The following PTPRN2 variants were observed in gnomAD, a reference collection of about 807,000 sequenced individuals.
The protein encoded by PTPRN2 is protein tyrosine phosphatase receptor type N2.
In PTPRN2, 74 loss-of-function variants were observed where a neutral mutation model predicts 118.8. The observed-to-expected ratio is 0.62, with a 90% CI of 0.52 to 0.76. The LOEUF (loss-of-function observed/expected upper bound fraction) is 0.76. Among genes scored for constraint, PTPRN2 ranks in the 30% least tolerant of loss-of-function variants. PTPRN2 has a pLI of 0.00. For synonymous variants in PTPRN2, 641 were observed against 608.0 expected (o/e 1.05, Z -0.80); for missense variants, 1,481 against 1,394.4 (o/e 1.06, Z -0.99).
chr7:158,502,943 C>T (rs1344701785), intron 1 of PTPRN2, among the ~76,000 whole-genome samples: 2 of 151,054 alleles, frequency 1.3e-5, no homozygotes, highest in Admixed American at 1.3e-4. Context: ...CCATCAGCCA[C>T]TGTGTCCATC....
intron 11 of PTPRN2, among the ~76,000 whole-genome samples, chr7:157,960,725 G>A (rs1336030119): frequency 6.6e-6 from 1 of 152,216 alleles, no homozygotes; most frequent in East Asian, 1.9e-4. Flanking sequence ...AAAAAAACAT[G>A]GTCAGGCATG....
chr7:157,610,772 A>G lies in PTPRN2; in HGVS notation c.2345-6697T>C, dbSNP rs370728143. 6.6e-4 allele frequency among the ~76,000 whole-genome samples: 100 copies of G among 152,362 alleles called. 3 individuals carry two copies. In the East Asian group the frequency reaches 0.015, roughly 22 times the overall value. On this transcript the variant is annotated intron_variant, in intron 15 of 22. Transcript: ENST00000389418. The surrounding 1 kb of genome is among the most constrained non-coding windows in gnomAD (Gnocchi z 5.1). The stretch of plus-strand genomic sequence containing the variant: ...CAGCAACAGCGTGATGACAGAACGC[A>G]TTCTGAAGGGGCAGGTCCTCTTCCT...
At chr7:157,578,882 T>C (rs1011366854) in intron 17 of PTPRN2, among the ~76,000 whole-genome samples, 3 of 152,244 alleles carry the variant, frequency 2.0e-5, no homozygotes, top group African/African-American at 7.2e-5. Context: ...CACACTGATG[T>C]GGCATTTGTA....
intron 2 of PTPRN2, among the ~76,000 whole-genome samples, chr7:158,372,426 G>C (rs1252529726): frequency 1.4e-5 from 2 of 148,062 alleles, no homozygotes; most frequent in Non-Finnish European, 3.0e-5. Context: ...CCCAACACTG[G>C]TCCCCGAAGC....
chr7:157,573,459 C>T (rs1799859649), intron 19 of PTPRN2, among the ~76,000 whole-genome samples: 1 of 152,240 alleles, frequency 6.6e-6, no homozygotes, highest in East Asian at 1.9e-4. Context: ...CTAAGCTCAG[C>T]TTCTGGGTCC....
chr7:158,510,332 G>A (rs565807676), intron 1 of PTPRN2, among the ~76,000 whole-genome samples: 7 of 152,138 alleles, frequency 4.6e-5, no homozygotes, highest in Non-Finnish European at 5.9e-5. Context: ...CTCAGCCCAC[G>A]GCACCCACAC....
At chr7:157,946,858 G>T (rs185530853) in intron 11 of PTPRN2, among the ~76,000 whole-genome samples, 2 of 152,354 alleles carry the variant, frequency 1.3e-5, no homozygotes, top group African/African-American at 2.4e-5. Context: ...CCACCAGTGT[G>T]GACGGCCGGG....
intron 1 of PTPRN2, among the ~76,000 whole-genome samples, chr7:158,549,368 T>A (rs1338395462): frequency 6.6e-6 from 1 of 152,160 alleles, no homozygotes; most frequent in East Asian, 1.9e-4. Context: ...AGCTTTGTGT[T>A]CACCGGGCGG....
rs1368450412 is a variant in PTPRN2, at chr7:157,780,160, C to T, written c.1789-97223G>A. On this transcript the variant is annotated intron_variant, in intron 12 of 22. Transcript: ENST00000389418. The surrounding 1 kb of genome is among the most constrained non-coding windows in gnomAD (Gnocchi z 4.5). The stretch of plus-strand genomic sequence containing the variant: ...CTTTGTTTATGATCCCACCACGTAT[C>T]TCTACTATTAAAGAATTAGCCTCTG... 6.6e-6 allele frequency among the ~76,000 whole-genome samples: 1 copy of T among 152,172 alleles called. No individual in the cohort carries two copies. Among genetic ancestry groups the T allele is most frequent in the African/African-American group, 2.4e-5 (1 of 41,434 alleles).
chr7:158,021,193 T>C (rs755516943), intron 11 of PTPRN2, among the ~76,000 whole-genome samples: 35 of 152,212 alleles, frequency 2.3e-4, no homozygotes, highest in Non-Finnish European at 4.0e-4. Context: ...TTTGTTGACA[T>C]CCTCTGGTTT....
chr7:157,745,452 T>TGGGGGAGAGGACAGGCTGC (rs1800869181), intron 12 of PTPRN2, among the ~76,000 whole-genome samples: 4 of 151,154 alleles, frequency 2.6e-5, no homozygotes, highest in South Asian at 2.1e-4. Flanking sequence ...GGACAGGCTG[T>TGGGGGAGAGGACAGGCTGC]GGGAGGCAGG....
Position 158,196,672 on chromosome 7 carries a change from C to T in PTPRN2, c.381-4177G>A, listed in dbSNP as rs529699375. ...CCGAGATGTAGCTCCCCGGGCACCC[C>T]TGGGGCCCTGCCCACGGCTAGTGAG... On this transcript the variant is annotated intron_variant, in intron 4 of 22. Transcript: ENST00000389418. 5.3e-5 allele frequency among the ~76,000 whole-genome samples: 8 copies of T among 152,330 alleles called. No individual in the cohort carries two copies. The South Asian group carries it at 1.7e-3, about 32-fold the overall frequency.
At chr7:158,334,536 C>G (rs1203421986) in intron 2 of PTPRN2, among the ~76,000 whole-genome samples, 6 of 112,684 alleles carry the variant, frequency 5.3e-5, no homozygotes, top group African/African-American at 1.8e-4. Flanking sequence ...CTGCAGACGT[C>G]ACTCACACCC....
chr7:157,934,102 T>C (rs1799561463), intron 11 of PTPRN2, among the ~76,000 whole-genome samples: 1 of 152,224 alleles, frequency 6.6e-6, no homozygotes, highest in South Asian at 2.1e-4. Flanking sequence ...GTGTTCTTTG[T>C]GCATCAGCTC....
chr7:158,484,421 G>A (rs1820857161), intron 2 of PTPRN2, among the ~76,000 whole-genome samples: 1 of 152,194 alleles, frequency 6.6e-6, no homozygotes, highest in Non-Finnish European at 1.5e-5. Context: ...GGAGTGCAAT[G>A]GTGTGAACTC....
intron 12 of PTPRN2, among the ~76,000 whole-genome samples, chr7:157,847,861 C>T (rs1255939982): frequency 6.6e-6 from 1 of 150,844 alleles, no homozygotes; most frequent in East Asian, 1.9e-4. Context: ...GTCTACAGAG[C>T]CCTCTCTCAT....
Position 157,984,507 on chromosome 7 carries a change from C to A in PTPRN2, c.1724-85770G>T, listed in dbSNP as rs1040865280. Among the ~76,000 whole-genome samples the A allele has an allele frequency of 6.6e-5, 10 of 151,142 alleles. 1 individual carries two copies. The highest frequency in any genetic ancestry group is 2.4e-4 in the African/African-American group (10 of 41,014). On this transcript the variant is annotated intron_variant, in intron 11 of 22. Transcript: ENST00000389418. ...CAGGCTCCACCCAAGCCAGCGGCAC[C>A]GGTTCTGGCTGGAAGGTTCCCAAAC... is the stretch of plus-strand genomic sequence containing the variant.
At chr7:158,364,940 C>T (rs567034812) in intron 2 of PTPRN2, among the ~76,000 whole-genome samples, 1 of 152,070 alleles carries the variant, frequency 6.6e-6, no homozygotes, top group South Asian at 2.1e-4. Context: ...CTACACACAA[C>T]CACCCTTGCA....
chr7:157,767,606 G>A (rs1802561732), intron 12 of PTPRN2, among the ~76,000 whole-genome samples: 2 of 152,228 alleles, frequency 1.3e-5, no homozygotes, highest in Admixed American at 1.3e-4. Context: ...CAACTGGCCA[G>A]GGCGACCGCT....
Sources: gnomAD v4.1 joint callset for allele counts (sites outside exome capture counted in the v4.1 genomes callset) on GRCh38, gnomAD v4.1.1 for gene constraint, Gnocchi (gnomAD v3.1) non-coding constraint, MANE v1.5 for transcripts, NCBI Gene and HGNC (gene_info 2026-07-23, HGNC 2026-07-21) for gene names.